Variants in SLC35F3 observed in about 807,000 individuals in gnomAD.
SLC35F3 encodes the protein solute carrier family 35 member F3.
A neutral mutation model predicts 49.9 loss-of-function variants in SLC35F3; 25 were observed. The observed-to-expected ratio is 0.50, with a 90% confidence interval of 0.37 to 0.70. The LOEUF (loss-of-function observed/expected upper bound fraction) is 0.70. Among genes scored for constraint, SLC35F3 ranks in the 30% least tolerant of loss-of-function variants. The probability of loss-of-function intolerance (pLI) is 0.00; values close to 1 mark genes in which losing one functional copy is unlikely to be tolerated. For missense variants in SLC35F3, 525 were observed against 639.8 expected (o/e 0.82, Z 1.94); for synonymous variants, 275 against 265.4 (o/e 1.04, Z -0.35).
In SLC35F3 at chr1:233,988,899, G is replaced by T. The variant is rs117247373; in HGVS notation, c.283+83141G>T. ...ATTGTCAAAGCAGTGCAATAGAGTT[G>T]ATTGAGAGGCAGCAGATCATGGTGG... On this transcript the variant is annotated intron_variant, in intron 2 of 7. Coordinates refer to ENST00000366618, the MANE Select transcript of SLC35F3 (RefSeq NM_173508.4). Among the ~76,000 whole-genome samples the T allele has an allele frequency of 4.6e-5, 7 of 152,304 alleles. No homozygotes were observed. In the East Asian group the frequency reaches 1.3e-3, roughly 29 times the overall value.
intron 2 of SLC35F3, among the ~76,000 whole-genome samples, chr1:234,155,395 G>GACGATGATGATGATGATGATGATTATT (rs1553310141): frequency 1.1e-4 from 17 of 149,292 alleles, no homozygotes; most frequent in African/African-American, 4.2e-4. Flanking sequence ...CTATTCACCT[G>GACGATGATGATGATGATGATGATTATT]ATTATTATTA....
chr1:234,135,541 T>C (rs1007435060), intron 2 of SLC35F3, among the ~76,000 whole-genome samples: 15 of 152,168 alleles, frequency 9.9e-5, no homozygotes, highest in African/African-American at 3.4e-4. Context: ...AGGGCTCAGA[T>C]TTGTTACAGC....
rs1664290767 is a variant in SLC35F3, at chr1:234,046,267, T to C, written c.283+140509T>C. ...CAGTGTTTAAAGGCTCACTATTCTATATTCTTACTAACACCTGCTATTGAA... is the reference window on the plus strand; with the variant it reads ...CAGTGTTTAAAGGCTCACTATTCTACATTCTTACTAACACCTGCTATTGAA... On this transcript the variant is annotated intron_variant, in intron 2 of 7. Transcript: ENST00000366618. This position sits in a 1 kb window ranked among gnomAD's most constrained non-coding sequence, Gnocchi z 4.4. Among the ~76,000 whole-genome samples the C allele has an allele frequency of 6.6e-6, 1 of 152,194 alleles. No homozygotes were observed. The highest frequency in any genetic ancestry group is 6.5e-5 in the Admixed American group (1 of 15,278).
intron 2 of SLC35F3, among the ~76,000 whole-genome samples, chr1:234,066,218 G>A (rs1358719214): frequency 6.6e-6 from 1 of 152,118 alleles, no homozygotes; most frequent in Non-Finnish European, 1.5e-5. Flanking sequence ...TTCTTTGGCT[G>A]CCCGTTGCTC....
intron 2 of SLC35F3, among the ~76,000 whole-genome samples, chr1:234,012,451 A>G (rs1009614337): frequency 6.6e-6 from 1 of 152,218 alleles, no homozygotes; most frequent in Non-Finnish European, 1.5e-5. Flanking sequence ...ATTTCAAACT[A>G]TCACATGGGG....
intron 3 of SLC35F3, among the ~76,000 whole-genome samples, chr1:234,251,159 G>T (rs1050039976): frequency 5.3e-5 from 8 of 151,954 alleles, no homozygotes; most frequent in Non-Finnish European, 5.9e-5. Flanking sequence ...ACTAGACTTT[G>T]GTCCTCTAAT....
intron 2 of SLC35F3, among the ~76,000 whole-genome samples, chr1:234,170,312 G>A (rs187013740): frequency 9.9e-5 from 15 of 152,268 alleles, no homozygotes; most frequent in Non-Finnish European, 1.9e-4. Context: ...CCACTTACTC[G>A]TATGGAAAGG....
intron 2 of SLC35F3, among the ~76,000 whole-genome samples, chr1:233,995,139 ACAT>A (rs1008211870): frequency 4.6e-5 from 7 of 152,260 alleles, no homozygotes; most frequent in African/African-American, 1.7e-4. Flanking sequence ...ACCGTCATCA[ACAT>A]CATCATCAAT....
intron 2 of SLC35F3, among the ~76,000 whole-genome samples, chr1:233,954,052 G>A (rs1662653940): frequency 6.6e-6 from 1 of 151,440 alleles, no homozygotes; most frequent in Non-Finnish European, 1.5e-5. Context: ...TGTCATCCAG[G>A]CTGGAGTGCA....
chr1:233,923,481 T>C (rs1662102451), intron 2 of SLC35F3, among the ~76,000 whole-genome samples: 1 of 152,218 alleles, frequency 6.6e-6, no homozygotes, highest in Admixed American at 6.5e-5. Flanking sequence ...TTCTTGTGAT[T>C]TTTGCACATT....
chr1:234,208,127 G>A (rs630922), intron 2 of SLC35F3, among the ~76,000 whole-genome samples: 105 of 152,322 alleles, frequency 6.9e-4, no homozygotes, highest in African/African-American at 2.3e-3. Context: ...GCCACTGCAG[G>A]TTGGCTGCTT....
At chr1:234,271,071 A>G (rs1358566289) in intron 3 of SLC35F3, among the ~76,000 whole-genome samples, 1 of 152,250 alleles carries the variant, frequency 6.6e-6, no homozygotes, top group Admixed American at 6.5e-5. Flanking sequence ...CTTGGATTCT[A>G]AAGAACCCAT....
chr1:234,077,553 A>T (rs987952522), intron 2 of SLC35F3, among the ~76,000 whole-genome samples: 2 of 152,154 alleles, frequency 1.3e-5, no homozygotes, highest in Non-Finnish European at 2.9e-5. Context: ...CTCCCTTGAC[A>T]TGTGGGGATT....
chr1:234,068,958 A>T (rs4027097), intron 2 of SLC35F3, among the ~76,000 whole-genome samples: 5 of 45,488 alleles, frequency 1.1e-4, no homozygotes, highest in Admixed American at 2.4e-4. Flanking sequence ...TACTACATAT[A>T]ATATATAAAA....
chr1:234,066,857 C>CACACAG (rs1558219783), intron 2 of SLC35F3, among the ~76,000 whole-genome samples: 6 of 150,894 alleles, frequency 4.0e-5, no homozygotes, highest in African/African-American at 1.5e-4. Flanking sequence ...CACACACACA[C>CACACAG]ACACACACAC....
intron 3 of SLC35F3, among the ~76,000 whole-genome samples, chr1:234,286,597 T>C (rs2102983627): frequency 6.6e-6 from 1 of 152,382 alleles, no homozygotes; most frequent in South Asian, 2.1e-4. Context: ...TAATATTATG[T>C]GGGGCCACAT....
chr1:234,158,557 C>A (rs561087727), intron 2 of SLC35F3, among the ~76,000 whole-genome samples: 7 of 152,160 alleles, frequency 4.6e-5, no homozygotes, highest in Non-Finnish European at 1.0e-4. Context: ...TTGGTGTGGA[C>A]ATACTATAAT....
At position 234,214,287 on chromosome 1, in the gene SLC35F3, AG is replaced by A. The variant is rs1186020502; in HGVS notation, c.284-17128del. 13 of 1,274,550 alleles carry A rather than the reference AG, an allele frequency of 1.0e-5. No individual in the cohort carries two copies. The highest frequency in any genetic ancestry group is 1.3e-5 in the Non-Finnish European group (13 of 1,013,952). The allele number at this position is 1,274,550 out of a possible 1,614,324, so 79.0% of individuals were successfully genotyped here. Reference sequence around the variant, plus strand: ...GTGTGGAGTGGCTGCGCGGCCGGGGAGGATGTGCGCTGCAGGGCGGCCGCCG... The same window carrying A: ...GTGTGGAGTGGCTGCGCGGCCGGGGAGATGTGCGCTGCAGGGCGGCCGCCG... On this transcript the variant is annotated intron_variant, in intron 2 of 7. Coordinates refer to ENST00000366618, the MANE Select transcript of SLC35F3 (RefSeq NM_173508.4). This position sits in a 1 kb window ranked among gnomAD's most constrained non-coding sequence, Gnocchi z 8.0.
At chr1:233,906,728 G>A (rs1252757054) in intron 2 of SLC35F3, among the ~76,000 whole-genome samples, 1 of 151,964 alleles carries the variant, frequency 6.6e-6, no homozygotes, top group African/African-American at 2.4e-5. Flanking sequence ...AGGGGAAAAC[G>A]GGCGTTTGTA....
Sources: gnomAD v4.1 joint callset for allele counts (sites outside exome capture counted in the v4.1 genomes callset) on GRCh38, gnomAD v4.1.1 for gene constraint, Gnocchi (gnomAD v3.1) non-coding constraint, MANE v1.5 for transcripts, NCBI Gene and HGNC (gene_info 2026-07-23, HGNC 2026-07-21) for gene names.